KRT71: variants seen among roughly 807,000 people sequenced by gnomAD.
KRT71 encodes keratin 71.
Under a neutral mutation model 46.2 loss-of-function variants are expected in KRT71, and 42 were observed. The observed-to-expected ratio is 0.91, with a 90% CI of 0.71 to 1.18. The LOEUF is 1.18. KRT71 is among the 50% of genes most tolerant of loss of function. The pLI is 0.00. For synonymous variants in KRT71, 292 were observed against 277.8 expected (o/e 1.05, Z -0.51); for missense variants, 708 against 677.9 (o/e 1.04, Z -0.49).
At chr12:52,545,487 T>C in intron 8 of KRT71, 78 bp downstream of exon 8, 3 of 844,880 alleles carry the variant, frequency 3.6e-6, no homozygotes, top group Admixed American at 2.3e-5. Context: ...ATCCCTCATC[T>C]GCACACAGAG....
rs558529701 is a variant in KRT71, at chr12:52,550,241, C to T, written c.444G>A (p.Val148=). The change falls in exon 2 of 9, where the codon GTG becomes GTA. Residue 148 remains valine (V), a splice_region_variant and synonymous_variant. Coordinates refer to ENST00000267119, the MANE Select transcript of KRT71 (RefSeq NM_033448.3). ...NNKFASFIDK[V]RFLEQQNQVL... The stretch of plus-strand genomic sequence containing the variant: ...CCTGGTTCTGCTGCTCCAGGAACCG[C>T]ACCTGGAACCCAGATCCCAGAAACT... The T allele has an allele frequency of 9.3e-6, 15 of 1,614,044 alleles. No individual in the cohort carries two copies. The South Asian group carries it at 1.4e-4, about 15-fold the overall frequency.
chr12:52,546,189 TA>T, intron 7 of KRT71, 96 bp downstream of exon 7: 1 of 1,340,246 alleles, frequency 7.5e-7, no homozygotes, highest in Non-Finnish European at 1.0e-6. Context: ...CATCACTTCC[TA>T]AGAACTCATC....
rs1939015701 is a variant in KRT71, at chr12:52,544,196, A to T, written c.*336T>A. 2.6e-6 allele frequency: 1 copy of T among 381,264 alleles called. No homozygotes were observed. Among genetic ancestry groups the T allele is most frequent in the South Asian group, 2.9e-5 (1 of 35,024 alleles). The allele number at this position is 381,264 out of a possible 1,614,324, so 23.6% of individuals were successfully genotyped here. A position where few individuals can be genotyped will look rare whatever the true frequency, so the allele number is the denominator to read the frequency against. On this transcript the variant is annotated 3_prime_UTR_variant, in exon 9 of 9. Coordinates refer to ENST00000267119, the MANE Select transcript of KRT71 (RefSeq NM_033448.3). ...AGTGTGTGCGGGGCCTTGGGCAGAG[A>T]CCCAGGGAGCCCAGCAGAGTAGTTA...
intron 6 of KRT71, among the ~76,000 whole-genome samples, chr12:52,547,181 C>T (rs1466086378): frequency 6.6e-6 from 1 of 152,146 alleles, no homozygotes. Context: ...TGTGTAACCC[C>T]CTTATCCTCT....
intron 7 of KRT71, 56 bp from the exon 8 acceptor site, chr12:52,545,655 T>G (rs181727591): frequency 2.7e-6 from 3 of 1,118,550 alleles, no homozygotes; most frequent in African/African-American, 1.5e-5. Context: ...GCTCAGTCTC[T>G]TTAAAGCTAC....
At chr12:52,552,576 T>C (rs1413534431) in intron 1 of KRT71, 61 bp downstream of exon 1, 2 of 1,504,144 alleles carry the variant, frequency 1.3e-6, no homozygotes, top group Non-Finnish European at 1.8e-6. Flanking sequence ...AACAAAATCG[T>C]ATGTTCCAAG....
At position 52,553,134 on chromosome 12, in the gene KRT71, G is replaced by A. The variant is rs1939206558; in HGVS notation, c.-57C>T. Reference sequence around the variant, plus strand: ...AGGGAGGAAGGCAAAATCCCAAAAGGTTCTGCTGGTTGTAGTGAGGACTGG... The same window carrying A: ...AGGGAGGAAGGCAAAATCCCAAAAGATTCTGCTGGTTGTAGTGAGGACTGG... On this transcript the variant is annotated 5_prime_UTR_variant, in exon 1 of 9. Transcript: ENST00000267119. The A allele has an allele frequency of 6.6e-6, 10 of 1,514,202 alleles. No individual in the cohort carries two copies. The South Asian group carries it at 1.2e-4, about 18-fold the overall frequency. 93.8% of individuals were successfully genotyped at this position (1,514,202 alleles called of 1,614,324 possible). A position where few individuals can be genotyped will look rare whatever the true frequency, so the allele number is the denominator to read the frequency against.
intron 1 of KRT71, among the ~76,000 whole-genome samples, chr12:52,551,398 C>T (rs1263348298): frequency 2.6e-5 from 4 of 152,300 alleles, no homozygotes; most frequent in Admixed American, 2.6e-4. Flanking sequence ...TTTTGACCAG[C>T]CGAGCCAAGA....
chr12:52,550,331 C>T (rs1939147782), intron 1 of KRT71, 88 bp from the exon 2 acceptor site: 1 of 1,476,552 alleles, frequency 6.8e-7, no homozygotes, highest in Non-Finnish European at 9.3e-7. Flanking sequence ...CTTCTATCTG[C>T]ATTTTCTCCT....
At position 52,544,367 on chromosome 12, in the gene KRT71, G is replaced by T. The variant is rs1939018661; in HGVS notation, c.*165C>A. The T allele has an allele frequency of 2.8e-6, 2 of 719,860 alleles. No homozygotes were observed. Among genetic ancestry groups the T allele is most frequent in the Non-Finnish European group, 4.9e-6 (2 of 404,760 alleles). The allele number at this position is 719,860 out of a possible 1,614,324, so 44.6% of individuals were successfully genotyped here. A position where few individuals can be genotyped will look rare whatever the true frequency, so the allele number is the denominator to read the frequency against. ...AGCTTGGTCATCCAGGCCTTCCCAGGATCAGGAAGACACAGGCTGGGAGAA... is the reference window on the plus strand; with the variant it reads ...AGCTTGGTCATCCAGGCCTTCCCAGTATCAGGAAGACACAGGCTGGGAGAA... On this transcript the variant is annotated 3_prime_UTR_variant, in exon 9 of 9. Coordinates refer to ENST00000267119, the MANE Select transcript of KRT71 (RefSeq NM_033448.3).
At position 52,545,581 on chromosome 12, in the gene KRT71, G is replaced by T; in HGVS notation, c.1344C>A (p.Pro448=). The change falls in exon 8 of 9, where the codon CCC becomes CCA. Residue 448 remains proline, a synonymous_variant. Coordinates refer to ENST00000267119, the MANE Select transcript of KRT71 (RefSeq NM_033448.3). ...AATACTTACAGATGCTGACAGGGGA[G>T]GGAAATTCTCCTGACATCCTATTAA... is the stretch of plus-strand genomic sequence containing the variant. ...SEECRMSGEF[P]SPVSISIISS... is the part of the protein sequence containing the mutation. The T allele has an allele frequency of 6.4e-7, 1 of 1,555,948 alleles. No individual in the cohort carries two copies. Among genetic ancestry groups the T allele is most frequent in the Non-Finnish European group, 8.8e-7 (1 of 1,130,774 alleles).
At position 52,544,685 on chromosome 12, in the gene KRT71, G is replaced by T; in HGVS notation, c.1419C>A (p.Ser473Arg). ...TGCTGCTGTTGGCCACATAGCCACC[G>T]CTGACCATGCTGGGCCGGAAGCCAT... ...SVYGFRPSMV[S>R]GGYVANSSNC... The change falls in exon 9 of 9, where the codon AGC becomes AGA. Residue 473 changes from serine to arginine, a missense_variant. Ser to Arg is a moderately radical substitution (Grantham distance 110). Transcript: ENST00000267119. 1 of 1,613,554 alleles carries T rather than the reference G, an allele frequency of 6.2e-7. No individual in the cohort carries two copies. Among genetic ancestry groups the T allele is most frequent in the East Asian group, 2.2e-5 (1 of 44,870 alleles).
In KRT71 at chr12:52,552,701, A is replaced by G. The variant is rs1157397484; in HGVS notation, c.377T>C (p.Val126Ala). Reference sequence around the variant, plus strand: ...GATCTGCTCTCGCTCCTGGGCACGCACTTTCTGGATCTCGGGGTCCAGCTC... The same window carrying G: ...GATCTGCTCTCGCTCCTGGGCACGCGCTTTCTGGATCTCGGGGTCCAGCTC... ...NVELDPEIQK[V>A]RAQEREQIKA... Residue 126 changes from valine (V) to alanine (A), a missense_variant, in exon 1 of 9, where the codon GTG (valine) becomes GCG (alanine). By Grantham distance (64) the Val-to-Ala change is moderately conservative. Transcript: ENST00000267119. 1 of 1,613,652 alleles carries G rather than the reference A, an allele frequency of 6.2e-7. No individual in the cohort carries two copies. Among genetic ancestry groups the G allele is most frequent in the Non-Finnish European group, 8.5e-7 (1 of 1,179,804 alleles).
intron 8 of KRT71, 50 bp from the exon 9 acceptor site, chr12:52,544,793 G>C (rs756613414): frequency 1.8e-5 from 27 of 1,506,064 alleles, no homozygotes; most frequent in Non-Finnish European, 2.4e-5. Context: ...AGCTGGGGAG[G>C]CCTCCTTTTC....
At chr12:52,547,058 C>A (rs1939070011) in intron 6 of KRT71, among the ~76,000 whole-genome samples, 1 of 152,200 alleles carries the variant, frequency 6.6e-6, no homozygotes, top group Non-Finnish European at 1.5e-5. Flanking sequence ...GCAGAAGTAA[C>A]CTGTCCAAGA....
intron 2 of KRT71, among the ~76,000 whole-genome samples, chr12:52,549,798 G>A (rs1592205572): frequency 6.6e-6 from 1 of 152,200 alleles, no homozygotes; most frequent in East Asian, 1.9e-4. Context: ...CAGAGCCAGA[G>A]ATAACCCTCT....
At chr12:52,550,347 G>T (rs1939148178) in intron 1 of KRT71, 104 bp from the exon 2 acceptor site, 1 of 1,353,620 alleles carries the variant, frequency 7.4e-7, no homozygotes, top group Non-Finnish European at 1.0e-6. Flanking sequence ...CTCCTCAATA[G>T]AGCTGAAAGA....
chr12:52,551,897 A>G (rs1939177275), intron 1 of KRT71, among the ~76,000 whole-genome samples: 1 of 152,026 alleles, frequency 6.6e-6, no homozygotes, highest in South Asian at 2.1e-4. Context: ...TCCCTCCCCC[A>G]CATTCCAGAG....
At chr12:52,550,617 C>T (rs149792659) in intron 1 of KRT71, among the ~76,000 whole-genome samples, 9 of 152,362 alleles carry the variant, frequency 5.9e-5, no homozygotes, top group African/African-American at 2.2e-4. Flanking sequence ...GAAGAAAAGT[C>T]TGCTCTTCAT....
Sources: allele counts gnomAD v4.1 joint callset (sites outside exome capture counted in the v4.1 genomes callset), GRCh38; gene constraint gnomAD v4.1.1; transcripts MANE v1.5; gene names NCBI Gene and HGNC (gene_info 2026-07-23, HGNC 2026-07-21).